The following RBFOX2 variants were observed in gnomAD, a reference collection of about 807,000 sequenced individuals.
RBFOX2 encodes the protein RNA binding protein fox-1 homolog 2.
A neutral mutation model predicts 49.1 loss-of-function variants in RBFOX2; 10 were observed. The ratio of observed to expected loss-of-function variants is 0.20; its 90% CI spans 0.13 to 0.35. RBFOX2 has a LOEUF of 0.35. Among genes scored for constraint, RBFOX2 ranks in the 10% least tolerant of loss-of-function variants. The probability of loss-of-function intolerance (pLI) is 1.00; values close to 1 mark genes in which losing one functional copy is unlikely to be tolerated. For synonymous variants in RBFOX2, 183 were observed against 187.4 expected, an observed-to-expected ratio of 0.98 and a Z score of 0.19; for missense variants, 323 against 486.9, an observed-to-expected ratio of 0.66 and a Z score of 3.17.
intron 4 of RBFOX2, among the ~76,000 whole-genome samples, chr22:35,775,879 A>C (rs1347402107): frequency 6.6e-6 from 1 of 151,510 alleles, no homozygotes; most frequent in Admixed American, 6.6e-5. Context: ...AAAGAAAAGA[A>C]AAAGAATTGG....
intron 1 of RBFOX2, among the ~76,000 whole-genome samples, chr22:35,823,682 T>C (rs886670359): frequency 1.3e-5 from 2 of 152,252 alleles, no homozygotes; most frequent in African/African-American, 4.8e-5. Context: ...TAAACATTTA[T>C]GTTTCTTTAA....
At position 35,805,736 on chromosome 22, in the gene RBFOX2, A is replaced by G. The variant is rs560452313; in HGVS notation, c.252+4044T>C. 1.2e-4 allele frequency among the ~76,000 whole-genome samples: 18 copies of G among 152,346 alleles called. No homozygotes were observed. In the South Asian group the frequency reaches 2.5e-3, roughly 21 times the overall value. Reference sequence around the variant, plus strand: ...CTGGAAGCAACCAAGATGCCCTTAAATTGGTCAATGGATAAACAAACTGTG... The same window carrying G: ...CTGGAAGCAACCAAGATGCCCTTAAGTTGGTCAATGGATAAACAAACTGTG... On this transcript the variant is annotated intron_variant, in intron 2 of 11. Coordinates refer to ENST00000405409, the Ensembl canonical transcript of RBFOX2.
chr22:35,906,713 G>A (rs1451524835), intron 1 of RBFOX2, among the ~76,000 whole-genome samples: 1 of 152,070 alleles, frequency 6.6e-6, no homozygotes, highest in Non-Finnish European at 1.5e-5. Flanking sequence ...TACTTGGGTG[G>A]CTGAGTCACA....
chr22:35,780,356 AAAAC>A (rs1198459800), intron 3 of RBFOX2, among the ~76,000 whole-genome samples: 3 of 151,772 alleles, frequency 2.0e-5, no homozygotes, highest in African/African-American at 7.3e-5. Flanking sequence ...TTTAAAAAAG[AAAAC>A]AAACAAACAA....
intron 1 of RBFOX2, among the ~76,000 whole-genome samples, chr22:35,991,280 T>C (rs2057969249): frequency 6.6e-6 from 1 of 152,068 alleles, no homozygotes; most frequent in South Asian, 2.1e-4. Flanking sequence ...GGACAGTCTA[T>C]GAGGAGCCAC....
chr22:35,928,775 T>C (rs1239290928), intron 1 of RBFOX2, among the ~76,000 whole-genome samples: 5 of 152,094 alleles, frequency 3.3e-5, no homozygotes, highest in Non-Finnish European at 7.4e-5. Flanking sequence ...AAATAAAAAG[T>C]GGGCAAAAGA....
intron 1 of RBFOX2, among the ~76,000 whole-genome samples, chr22:35,851,269 T>A (rs560681164): frequency 6.6e-5 from 10 of 152,372 alleles, no homozygotes; most frequent in Admixed American, 6.5e-4. Flanking sequence ...ATCTTCAATT[T>A]GCTGGTACTG....
intron 1 of RBFOX2, among the ~76,000 whole-genome samples, chr22:35,991,045 A>G (rs2057957619): frequency 6.6e-6 from 1 of 152,110 alleles, no homozygotes; most frequent in Non-Finnish European, 1.5e-5. Context: ...GGATCACTTG[A>G]GCTTGGGAGT....
At chr22:35,836,275 CA>C (rs1241237140) in intron 1 of RBFOX2, 3 of 152,176 alleles carry the variant, frequency 2.0e-5, no homozygotes, top group Non-Finnish European at 2.9e-5. Flanking sequence ...AAAAACCAGA[CA>C]AACAAAAACA....
At chr22:36,019,787 G>C (rs2059172937) in intron 1 of RBFOX2, among the ~76,000 whole-genome samples, 1 of 152,164 alleles carries the variant, frequency 6.6e-6, no homozygotes, top group Non-Finnish European at 1.5e-5. Context: ...CTCATGGATA[G>C]GAAGAATCAA....
chr22:35,868,476 G>A (rs2043949960), intron 1 of RBFOX2, among the ~76,000 whole-genome samples: 5 of 152,018 alleles, frequency 3.3e-5, no homozygotes, highest in South Asian at 2.1e-4. Context: ...ATAGGCAGGC[G>A]TGGTGGCTGA....
chr22:35,935,281 C>T (rs2149712537), intron 1 of RBFOX2, among the ~76,000 whole-genome samples: 1 of 152,272 alleles, frequency 6.6e-6, no homozygotes, highest in Admixed American at 6.5e-5. Flanking sequence ...AACTAGTTTT[C>T]ACTTATGTAA....
chr22:35,777,900 G>A (rs1271041485), intron 4 of RBFOX2, 125 bp downstream of exon 5: 1 of 958,812 alleles, frequency 1.0e-6, no homozygotes, highest in Non-Finnish European at 1.5e-6. Context: ...TCTAAACCAA[G>A]GTGGATAATT....
chr22:35,982,536 C>T (rs544329289), intron 1 of RBFOX2, among the ~76,000 whole-genome samples: 6 of 152,160 alleles, frequency 3.9e-5, no homozygotes, highest in South Asian at 2.1e-4. Context: ...ACAGGGCATA[C>T]GGGCGCTAAA....
At chr22:35,751,105 A>G (rs553217097) in intron 9 of RBFOX2, among the ~76,000 whole-genome samples, 1 of 152,364 alleles carries the variant, frequency 6.6e-6, no homozygotes, top group South Asian at 2.1e-4. Flanking sequence ...AGCAAAATAC[A>G]ATAGAATATA....
intron 1 of RBFOX2, among the ~76,000 whole-genome samples, chr22:35,821,605 A>C (rs1459769725): frequency 3.9e-4 from 39 of 99,742 alleles, no homozygotes; most frequent in African/African-American, 8.8e-4. Context: ...CCGTCTCCAA[A>C]AAAAAAAAAA....
chr22:35,950,949 A>C (rs1372776348), intron 1 of RBFOX2, among the ~76,000 whole-genome samples: 3 of 150,694 alleles, frequency 2.0e-5, no homozygotes, highest in African/African-American at 7.3e-5. Context: ...TATGGTAAAG[A>C]ATTCTTTTTT....
chr22:35,775,841 C>CAAAAAAAAAAAAAAAAAAA (rs753116056), intron 4 of RBFOX2, among the ~76,000 whole-genome samples: 1 of 56,146 alleles, frequency 1.8e-5, no homozygotes, highest in Non-Finnish European at 3.5e-5. Flanking sequence ...GAATCTGCCT[C>CAAAAAAAAAAAAAAAAAAA]AAAAAAAAAA....
chr22:35,804,064 G>T (rs1055982196), intron 2 of RBFOX2, among the ~76,000 whole-genome samples: 1 of 152,224 alleles, frequency 6.6e-6, no homozygotes, highest in Non-Finnish European at 1.5e-5. Context: ...CAGATCATGA[G>T]GTCAGGTGTT....
Sources: allele counts gnomAD v4.1 joint callset (sites outside exome capture counted in the v4.1 genomes callset), GRCh38; gene constraint gnomAD v4.1.1; transcripts MANE v1.5; gene names NCBI Gene and HGNC (gene_info 2026-07-23, HGNC 2026-07-21).